RIN3: variants seen among roughly 807,000 people sequenced by gnomAD.
RIN3 encodes the protein RAB5 interacting protein 3.
Under a neutral mutation model 76.3 loss-of-function variants are expected in RIN3, and 54 were observed. The observed-to-expected ratio is 0.71, with a 90% CI of 0.57 to 0.89. The LOEUF (loss-of-function observed/expected upper bound fraction) is 0.89. Ranked by LOEUF, RIN3 falls within the 40% of genes least tolerant of loss-of-function variation. The pLI is 0.00. For synonymous variants in RIN3, 576 were observed against 564.0 expected (o/e 1.02, Z -0.30); for missense variants, 1,256 against 1,322.1 (o/e 0.95, Z 0.78).
chr14:92,524,634 G>A (rs1310644935), intron 1 of RIN3, among the ~76,000 whole-genome samples: 1 of 152,244 alleles, frequency 6.6e-6, no homozygotes, highest in Non-Finnish European at 1.5e-5. Context: ...GAAGGACAGT[G>A]AGGGTCTTGT....
At position 92,685,068 on chromosome 14, in the gene RIN3, G is replaced by A; in HGVS notation, c.2549G>A (p.Ser850Asn). 6.2e-7 allele frequency: 1 copy of A among 1,613,972 alleles called. No individual in the cohort carries two copies. Among genetic ancestry groups the A allele is most frequent in the Non-Finnish European group, 8.5e-7 (1 of 1,179,986 alleles). ...YDKITVTRQL[S>N]VEVQDSIHRW... ...AAGATCACGGTGACCCGGCAGCTGAGTGTGGAGGTGCAGGACTCCATCCAC... is the reference window on the plus strand; with the variant it reads ...AAGATCACGGTGACCCGGCAGCTGAATGTGGAGGTGCAGGACTCCATCCAC... The change falls in exon 9 of 10, where the codon AGT becomes AAT. Residue 850 changes from serine to asparagine, a missense_variant. By Grantham distance (46) the Ser-to-Asn change is conservative (BLOSUM62 1). Coordinates refer to ENST00000216487, the MANE Select transcript of RIN3 (RefSeq NM_024832.5). This position sits in a 1 kb window ranked among gnomAD's most constrained non-coding sequence, Gnocchi z 4.7.
Position 92,652,483 on chromosome 14 carries a change from A to G in RIN3, c.1434A>G (p.Leu478=). 1 of 1,613,846 alleles carries G rather than the reference A, an allele frequency of 6.2e-7. No individual in the cohort carries two copies. The highest frequency in any genetic ancestry group is 8.5e-7 in the Non-Finnish European group (1 of 1,179,964). Residue 478 remains leucine, a synonymous_variant, in exon 6 of 10, where the codon TTA becomes TTG. Transcript: ENST00000216487. This position sits in a 1 kb window ranked among gnomAD's most constrained non-coding sequence, Gnocchi z 6.4. ...RQLASTLPAP[L]ENAELCTQAM... The stretch of plus-strand genomic sequence containing the variant: ...TGGCCTCGACCCTCCCAGCTCCCTT[A>G]GAGAACGCTGAGCTCTGCACACAGG...
chr14:92,528,721 G>A (rs1172311040), intron 1 of RIN3, among the ~76,000 whole-genome samples: 3 of 152,206 alleles, frequency 2.0e-5, no homozygotes, highest in African/African-American at 2.4e-5. Context: ...ACTGTGTCCC[G>A]GGTGGAGTGT....
chr14:92,681,071 T>A lies in RIN3; in HGVS notation c.2468-3916T>A, dbSNP rs889090970. Among the ~76,000 whole-genome samples the A allele has an allele frequency of 6.6e-6, 1 of 152,222 alleles. No individual in the cohort carries two copies. The highest frequency in any genetic ancestry group is 1.5e-5 in the Non-Finnish European group (1 of 68,034). Reference sequence around the variant, plus strand: ...TCTTAACCTCTGCTAAAATCCTGGCTAGGCTGGTCCCAAAAGTGCCCTCTT... The same window carrying A: ...TCTTAACCTCTGCTAAAATCCTGGCAAGGCTGGTCCCAAAAGTGCCCTCTT... On this transcript the variant is annotated intron_variant, in intron 8 of 9. Coordinates refer to ENST00000216487, the MANE Select transcript of RIN3 (RefSeq NM_024832.5). This position sits in a 1 kb window ranked among gnomAD's most constrained non-coding sequence, Gnocchi z 4.7.
intron 4 of RIN3, among the ~76,000 whole-genome samples, chr14:92,638,851 G>A (rs779294043): frequency 1.2e-4 from 18 of 152,150 alleles, no homozygotes; most frequent in Non-Finnish European, 2.5e-4. Context: ...GGCCACTCCC[G>A]AGACCTGAGA....
intron 3 of RIN3, among the ~76,000 whole-genome samples, chr14:92,579,383 C>G (rs1199163038): frequency 6.6e-6 from 1 of 152,242 alleles, no homozygotes; most frequent in African/African-American, 2.4e-5. Context: ...TTAGTTCAGC[C>G]TATGCCCAGG....
At chr14:92,555,998 G>A in intron 2 of RIN3, 43 bp downstream of exon 2, 3 of 1,557,858 alleles carry the variant, frequency 1.9e-6, no homozygotes, top group Non-Finnish European at 2.6e-6. Context: ...ACACACCTGT[G>A]AGGAACTCAG....
chr14:92,586,420 CCA>C lies in RIN3; in HGVS notation c.367+8946_367+8947del, dbSNP rs151001000. Reference sequence around the variant, plus strand: ...CTCATAGAGGTTTTGGCTAAAATAACCACAGTTTATTTCTTTCTGTTTTCAGC... The same window carrying C: ...CTCATAGAGGTTTTGGCTAAAATAACCAGTTTATTTCTTTCTGTTTTCAGC... On this transcript the variant is annotated intron_variant, in intron 3 of 9. Transcript: ENST00000216487. The C allele has an allele frequency of 3.3e-5, 5 of 152,320 alleles. No individual in the cohort carries two copies. In the East Asian group the frequency reaches 9.6e-4, roughly 29 times the overall value. 9.4% of individuals were successfully genotyped at this position (152,320 alleles called of 1,614,324 possible). A position where few individuals can be genotyped will look rare whatever the true frequency, so the allele number is the denominator to read the frequency against.
chr14:92,572,877 C>CTTTTTTTTTT (rs763771909), intron 2 of RIN3, among the ~76,000 whole-genome samples: 13 of 100,102 alleles, frequency 1.3e-4, no homozygotes, highest in East Asian at 2.8e-4. Context: ...CTTTTTTTTG[C>CTTTTTTTTTT]TTTTTTTTTT....
Position 92,688,147 on chromosome 14 carries a change from G to C in RIN3, c.2853G>C (p.Glu951Asp), listed in dbSNP as rs767918527. 4.8e-5 allele frequency: 77 copies of C among 1,610,152 alleles called. No homozygotes were observed. Among genetic ancestry groups the C allele is most frequent in the Non-Finnish European group, 5.9e-5 (69 of 1,178,894 alleles). Residue 951 changes from glutamate (E) to aspartate (D), a missense_variant, in exon 10 of 10, where the codon GAG becomes GAC. This residue lies in a region of RIN3 where 218 missense variants were observed against 174.5 expected (regional missense o/e 1.25). Transcript: ENST00000216487. Reference protein sequence around the residue: ...HCIKGYLLRSEPKRDFHFVYR... With the variant: ...HCIKGYLLRSDPKRDFHFVYR... ...TCAAGGGCTACCTGCTGCGCAGCGA[G>C]CCCAAGCGCGACTTCCACTTTGTCT...
At chr14:92,555,678 T>A (rs1897555570) in intron 1 of RIN3, 73 bp from the exon 2 acceptor site, 2 of 1,422,814 alleles carry the variant, frequency 1.4e-6, no homozygotes, top group Non-Finnish European at 2.0e-6. Context: ...CGTGGCTGAA[T>A]GGAATCCCCA....
At position 92,628,042 on chromosome 14, in the gene RIN3, G is replaced by A. The variant is rs138032390; in HGVS notation, c.440+12563G>A. Among the ~76,000 whole-genome samples the A allele has an allele frequency of 8.5e-3, 1,293 of 152,248 alleles. 21 individuals carry two copies. Among genetic ancestry groups the A allele is most frequent in the African/African-American group, 0.03 (1,255 of 41,526 alleles). On this transcript the variant is annotated intron_variant, in intron 4 of 9. Coordinates refer to ENST00000216487, the MANE Select transcript of RIN3 (RefSeq NM_024832.5). Reference sequence around the variant, plus strand: ...GGACCACACAATCTAGGCTAATTCCGATTGGCTACTGTTGACATCATCAAA... The same window carrying A: ...GGACCACACAATCTAGGCTAATTCCAATTGGCTACTGTTGACATCATCAAA...
rs910521833 is a variant in RIN3, at chr14:92,643,789, A to G, written c.532+2460A>G. Among the ~76,000 whole-genome samples, 1 of 152,214 alleles carries G rather than the reference A, an allele frequency of 6.6e-6. No individual in the cohort carries two copies. The highest frequency in any genetic ancestry group is 2.4e-5 in the African/African-American group (1 of 41,466). Reference sequence around the variant, plus strand: ...CTAAAAATATAAAAATTAAGTGGGCATAATGGCATGTGCCTGTAATCCCAG... The same window carrying G: ...CTAAAAATATAAAAATTAAGTGGGCGTAATGGCATGTGCCTGTAATCCCAG... On this transcript the variant is annotated intron_variant, in intron 5 of 9. Coordinates refer to ENST00000216487, the MANE Select transcript of RIN3 (RefSeq NM_024832.5). The surrounding 1 kb of genome is among the most constrained non-coding windows in gnomAD (Gnocchi z 4.8).
chr14:92,638,888 T>A (rs1025176591), intron 4 of RIN3, among the ~76,000 whole-genome samples: 10 of 151,906 alleles, frequency 6.6e-5, no homozygotes, highest in Non-Finnish European at 1.5e-4. Flanking sequence ...TGCCACAGCC[T>A]GCCCTGTCCA....
At chr14:92,518,789 C>G (rs900241418) in intron 1 of RIN3, among the ~76,000 whole-genome samples, 5 of 128,418 alleles carry the variant, frequency 3.9e-5, no homozygotes, top group Admixed American at 7.9e-5. Flanking sequence ...TAAGGGTGGC[C>G]TGTGTGTGTG....
At chr14:92,555,696 T>G (rs748505920) in intron 1 of RIN3, 55 bp from the exon 2 acceptor site, 15 of 1,574,416 alleles carry the variant, frequency 9.5e-6, no homozygotes, top group Non-Finnish European at 1.3e-5. Flanking sequence ...CCAGGTGTTA[T>G]AAACCTTCTC....
At chr14:92,660,565 G>A (rs962140900) in intron 7 of RIN3, among the ~76,000 whole-genome samples, 2 of 152,242 alleles carry the variant, frequency 1.3e-5, no homozygotes, top group Non-Finnish European at 2.9e-5. Context: ...ATGTGTCCAT[G>A]GCAGTAGCTG....
At chr14:92,666,996 G>A (rs950692849) in intron 7 of RIN3, among the ~76,000 whole-genome samples, 2 of 152,158 alleles carry the variant, frequency 1.3e-5, no homozygotes. Context: ...CAACCGGGTG[G>A]TGATAGATTC....
At chr14:92,590,129 A>G (rs2140075597) in intron 3 of RIN3, among the ~76,000 whole-genome samples, 1 of 152,334 alleles carries the variant, frequency 6.6e-6, no homozygotes, top group Admixed American at 6.5e-5. Context: ...AGGGGCCTCC[A>G]CACTTTTGTG....
Sources: allele counts gnomAD v4.1 joint callset (sites outside exome capture counted in the v4.1 genomes callset), GRCh38; gene constraint gnomAD v4.1.1; regional missense constraint gnomAD v4.1.1; non-coding constraint Gnocchi (gnomAD v3.1); transcripts MANE v1.5; gene names NCBI Gene and HGNC (gene_info 2026-07-23, HGNC 2026-07-21).